The following AGBL4 variants were observed in gnomAD, a reference collection of about 807,000 sequenced individuals.
AGBL4 encodes AGBL carboxypeptidase 4.
Under a neutral mutation model 66.4 loss-of-function variants are expected in AGBL4, and 58 were observed. That is an observed-to-expected ratio of 0.87 (90% confidence interval 0.71 to 1.09). The LOEUF is 1.09. Ranked by LOEUF, AGBL4 falls within the 50% of genes least tolerant of loss-of-function variation. The pLI, the probability that AGBL4 is intolerant of heterozygous loss-of-function variation, is 0.00. For missense variants in AGBL4, 579 were observed against 631.0 expected (o/e 0.92, Z 0.88); for synonymous variants, 234 against 222.9 (o/e 1.05, Z -0.44).
chr1:48,611,451 A>G, intron 9 of AGBL4, among the ~76,000 whole-genome samples: 1 of 152,220 alleles, frequency 6.6e-6, no homozygotes, highest in East Asian at 1.9e-4. Flanking sequence ...TGCAGGGACA[A>G]TTACTTTTAT....
intron 1 of AGBL4, among the ~76,000 whole-genome samples, chr1:49,953,983 T>C (rs567524826): frequency 1.3e-5 from 2 of 152,034 alleles, no homozygotes; most frequent in South Asian, 4.1e-4. Context: ...AGCCTCAAAG[T>C]CCTGGACTCA....
chr1:49,804,568 C>G (rs1359808786), intron 2 of AGBL4, among the ~76,000 whole-genome samples: 1 of 152,134 alleles, frequency 6.6e-6, no homozygotes, highest in Admixed American at 6.6e-5. Context: ...GTATTGAATT[C>G]ATTACATTTA....
intron 3 of AGBL4, 162 bp downstream of exon 3, chr1:49,697,151 T>C: frequency 1.5e-6 from 1 of 677,902 alleles, no homozygotes; most frequent in Non-Finnish European, 2.3e-6. Context: ...AGTCAACATA[T>C]TGTATCTATT....
At chr1:49,416,558 A>T (rs1294889640) in intron 3 of AGBL4, among the ~76,000 whole-genome samples, 2 of 152,136 alleles carry the variant, frequency 1.3e-5, no homozygotes, top group African/African-American at 4.8e-5. Context: ...TAAATGTTAC[A>T]ACATAATGTT....
chr1:49,692,898 G>A (rs528435945), intron 3 of AGBL4, among the ~76,000 whole-genome samples: 3 of 152,142 alleles, frequency 2.0e-5, no homozygotes, highest in East Asian at 3.9e-4. Flanking sequence ...ACATACATCA[G>A]ACGACAATCT....
rs184338281 is a variant in AGBL4, at chr1:49,171,561, A to G, written c.377+74209T>C. On this transcript the variant is annotated intron_variant, in intron 4 of 13. Transcript: ENST00000371839. Reference sequence around the variant, plus strand: ...AGTGATGTAGGAGAATAACTCACATATGTTTCTAACTATTAGAAGTGAAGG... The same window carrying G: ...AGTGATGTAGGAGAATAACTCACATGTGTTTCTAACTATTAGAAGTGAAGG... Among the ~76,000 whole-genome samples the G allele has an allele frequency of 3.3e-5, 5 of 152,300 alleles. No individual in the cohort carries two copies. In the East Asian group the frequency reaches 9.6e-4, roughly 29 times the overall value.
chr1:49,275,289 C>G (rs1282407136), intron 3 of AGBL4, among the ~76,000 whole-genome samples: 1 of 152,102 alleles, frequency 6.6e-6, no homozygotes, highest in African/African-American at 2.4e-5. Flanking sequence ...TAAAATATAT[C>G]ACTTTCTGAC....
At chr1:50,006,759 T>C (rs1272982124) in intron 1 of AGBL4, among the ~76,000 whole-genome samples, 1 of 152,108 alleles carries the variant, frequency 6.6e-6, no homozygotes, top group East Asian at 1.9e-4. Flanking sequence ...AGAAATACTT[T>C]CCCAGACAAA....
At chr1:49,760,779 C>T (rs1181767722) in intron 2 of AGBL4, among the ~76,000 whole-genome samples, 1 of 152,138 alleles carries the variant, frequency 6.6e-6, no homozygotes. Context: ...CCCAAATGCC[C>T]ATCATTGATA....
At chr1:48,590,343 T>C (rs1569911470) in intron 10 of AGBL4, among the ~76,000 whole-genome samples, 1 of 147,224 alleles carries the variant, frequency 6.8e-6, no homozygotes, top group African/African-American at 2.5e-5. Flanking sequence ...GAGATGGAGG[T>C]TGCAGTGAGC....
intron 6 of AGBL4, among the ~76,000 whole-genome samples, chr1:48,755,311 G>A (rs1326523417): frequency 1.3e-5 from 2 of 152,180 alleles, no homozygotes. Flanking sequence ...ACCTCGGTGA[G>A]TAAATAATGA....
intron 11 of AGBL4, among the ~76,000 whole-genome samples, chr1:48,564,828 G>A (rs1169904613): frequency 5.9e-5 from 9 of 152,252 alleles, no homozygotes; most frequent in Non-Finnish European, 8.8e-5. Flanking sequence ...TCTACAGGAC[G>A]GAGTCAGCCA....
chr1:48,720,997 A>C (rs1216660836), intron 6 of AGBL4, among the ~76,000 whole-genome samples: 1 of 151,624 alleles, frequency 6.6e-6, no homozygotes, highest in Non-Finnish European at 1.5e-5. Flanking sequence ...AATGATCTAA[A>C]AGAGGGACAA....
chr1:49,189,413 C>A (rs1647074019), intron 4 of AGBL4, among the ~76,000 whole-genome samples: 1 of 152,132 alleles, frequency 6.6e-6, no homozygotes, highest in Non-Finnish European at 1.5e-5. Flanking sequence ...TGACCTTGGC[C>A]AGATCCTTAA....
intron 4 of AGBL4, among the ~76,000 whole-genome samples, chr1:49,139,905 T>G (rs944624377): frequency 2.0e-5 from 3 of 152,166 alleles, no homozygotes; most frequent in African/African-American, 7.2e-5. Flanking sequence ...GTTATAACCT[T>G]GTCTGTTTTT....
intron 4 of AGBL4, among the ~76,000 whole-genome samples, chr1:49,204,268 A>AT (rs942020107): frequency 5.3e-5 from 8 of 151,942 alleles, no homozygotes; most frequent in Admixed American, 1.3e-4. Context: ...CTATTTATCT[A>AT]TTTTTTATTG....
intron 3 of AGBL4, among the ~76,000 whole-genome samples, chr1:49,346,313 T>A (rs1645632710): frequency 6.6e-6 from 1 of 152,194 alleles, no homozygotes; most frequent in Non-Finnish European, 1.5e-5. Flanking sequence ...CAACCAGTGA[T>A]CTCTGGCTGC....
At chr1:48,839,458 T>C (rs1646751250) in intron 6 of AGBL4, among the ~76,000 whole-genome samples, 1 of 151,876 alleles carries the variant, frequency 6.6e-6, no homozygotes, top group Non-Finnish European at 1.5e-5. Flanking sequence ...TTAGGTTAAG[T>C]GAAATAAGCC....
chr1:49,404,657 T>C (rs1043721822), intron 3 of AGBL4, among the ~76,000 whole-genome samples: 1 of 152,242 alleles, frequency 6.6e-6, no homozygotes, highest in African/African-American at 2.4e-5. Context: ...ATTTTGTTTG[T>C]TTAATTAACT....
Sources: gnomAD v4.1 joint callset for allele counts (sites outside exome capture counted in the v4.1 genomes callset) on GRCh38, gnomAD v4.1.1 for gene constraint, MANE v1.5 for transcripts, NCBI Gene and HGNC (gene_info 2026-07-23, HGNC 2026-07-21) for gene names.